VEGFA: variants seen among roughly 807,000 people sequenced by gnomAD.
VEGFA encodes vascular endothelial growth factor A, also known as vascular endothelial growth factor A, long form.
VEGFA carries 20 observed loss-of-function variants against 49.7 expected under a neutral mutation model. The observed-to-expected ratio is 0.40, with a 90% CI of 0.28 to 0.58. VEGFA has a LOEUF of 0.58. Among genes scored for constraint, VEGFA ranks in the 20% least tolerant of loss-of-function variants. The probability of loss-of-function intolerance (pLI) is 0.40; values close to 1 mark genes in which losing one functional copy is unlikely to be tolerated. For missense variants in VEGFA, 505 were observed against 553.5 expected, an observed-to-expected ratio of 0.91 and a Z score of 0.88; for synonymous variants, 219 against 223.4, an observed-to-expected ratio of 0.98 and a Z score of 0.18.
At position 43,785,694 on chromosome 6, in the gene VEGFA, T is replaced by C. The variant is rs1769341428; in HGVS notation, c.*1132T>C. On this transcript the variant is annotated 3_prime_UTR_variant, in exon 8 of 8. Transcript: ENST00000672860. Reference sequence around the variant, plus strand: ...GAGTGGTTGACCTTCCTCCATCCCCTGGTCCTTCCCTTCCCTTCCCGAGGC... The same window carrying C: ...GAGTGGTTGACCTTCCTCCATCCCCCGGTCCTTCCCTTCCCTTCCCGAGGC... The C allele has an allele frequency of 5.1e-6, 1 of 196,256 alleles. No homozygotes were observed. Among genetic ancestry groups the C allele is most frequent in the Admixed American group, 6.1e-5 (1 of 16,390 alleles). The allele number at this position is 196,256 out of a possible 1,614,324, so 12.2% of individuals were successfully genotyped here.
At chr6:43,771,397 G>GCACGGA in intron 1 of VEGFA, 85 bp downstream of exon 1, 1 of 1,405,154 alleles carries the variant, frequency 7.1e-7, no homozygotes, top group Non-Finnish European at 9.5e-7. Context: ...CGCGCGTGGG[G>GCACGGA]GCTCCGTGCC....
intron 6 of VEGFA, 118 bp downstream of exon 6, chr6:43,780,921 C>A (rs2128046271): frequency 1.2e-6 from 2 of 1,610,066 alleles, no homozygotes; most frequent in Non-Finnish European, 1.7e-6. Context: ...TGGCTCTCAT[C>A]CTCCTGGCCC....
At position 43,770,301 on chromosome 6, in the gene VEGFA, C is replaced by T. The variant is rs552245204; in HGVS notation, c.-406C>T. 41 of 264,438 alleles carry T rather than the reference C, an allele frequency of 1.6e-4. No individual in the cohort carries two copies. Among genetic ancestry groups the T allele is most frequent in the African/African-American group, 7.3e-4 (34 of 46,272 alleles). 16.4% of individuals were successfully genotyped at this position (264,438 alleles called of 1,614,324 possible). ...TCGGGAGGCGCAGCGGTTAGGTGGA[C>T]CGGTCAGCGGACTCACCGGCCAGGG... On this transcript the variant is annotated 5_prime_UTR_variant, in exon 1 of 8. Coordinates refer to ENST00000672860, the MANE Select transcript of VEGFA (RefSeq NM_003376.6).
chr6:43,781,032 T>A, intron 6 of VEGFA: 1 of 1,077,242 alleles, frequency 9.3e-7, no homozygotes, highest in Non-Finnish European at 1.3e-6. Context: ...GGTGCCGACT[T>A]GGCCTGGAGG....
At chr6:43,779,803 C>T (rs1434827701) in intron 5 of VEGFA, 8 of 445,530 alleles carry the variant, frequency 1.8e-5, no homozygotes, top group South Asian at 1.1e-4. Flanking sequence ...CTCCTTTCTT[C>T]CCTGTGACAG....
At chr6:43,779,103 T>C in intron 5 of VEGFA, 185 bp downstream of exon 5, 2 of 719,964 alleles carry the variant, frequency 2.8e-6, no homozygotes, top group South Asian at 3.4e-5. Context: ...CTAGGGCTAG[T>C]GAGAAAACAT....
At position 43,779,373 on chromosome 6, in the gene VEGFA, T is replaced by G. The variant is rs113813335; in HGVS notation, c.962+455T>G. ...GGCCGGCTGGAGGGTGGTTTCTCAG[T>G]GCATGCCCTCCTGTAGGCGGCAGGC... On this transcript the variant is annotated intron_variant, in intron 5 of 7. Transcript: ENST00000672860. 3.6e-3 allele frequency: 1,273 copies of G among 355,280 alleles called. 13 individuals are homozygous for G. Among genetic ancestry groups the G allele is most frequent in the African/African-American group, 0.024 (1,155 of 47,592 alleles). The allele number at this position is 355,280 out of a possible 1,614,324, so 22.0% of individuals were successfully genotyped here.
At position 43,782,030 on chromosome 6, in the gene VEGFA, A is replaced by G. The variant is rs769584601; in HGVS notation, c.1109A>G (p.Lys370Arg). The change falls in exon 7 of 8, where the codon AAA becomes AGA. Residue 370 changes from lysine to arginine, a missense_variant. By Grantham distance (26) the Lys-to-Arg change is conservative. Coordinates refer to ENST00000672860, the MANE Select transcript of VEGFA (RefSeq NM_003376.6). ...CCGCAGACGTGTAAATGTTCCTGCA[A>G]AAACACAGACTCGCGTTGCAAGGCG... 15 of 1,614,056 alleles carry G rather than the reference A, an allele frequency of 9.3e-6. No individual in the cohort carries two copies. The highest frequency in any genetic ancestry group is 2.2e-5 in the East Asian group (1 of 44,890).
In VEGFA at chr6:43,774,384, A is replaced by T; in HGVS notation, c.650A>T (p.His217Leu). 6.2e-7 allele frequency: 1 copy of T among 1,614,212 alleles called. No individual in the cohort carries two copies. The highest frequency in any genetic ancestry group is 8.5e-7 in the Non-Finnish European group (1 of 1,180,024). Residue 217 changes from histidine (H) to leucine (L), a missense_variant, in exon 2 of 8, where the codon CAT (histidine) becomes CTT (leucine). His to Leu is a moderately conservative substitution (Grantham distance 99). Around this residue, in one of 2 missense-constraint regions of VEGFA, gnomAD observed 340 missense variants for 321.8 expected, o/e 1.06. Transcript: ENST00000672860. ...ATGGCAGAAGGAGGAGGGCAGAATC[A>T]TCACGAAGGTGAGTCCCCCTGGCTG...
At chr6:43,780,522 G>A in intron 5 of VEGFA, 1 of 651,686 alleles carries the variant, frequency 1.5e-6, no homozygotes, top group South Asian at 1.8e-5. Context: ...GTGAGGAGAA[G>A]AAAGAGCCAT....
rs1769159262 is a variant in VEGFA at position 43,784,708 on chromosome 6, T to C, written c.*146T>C. The C allele has an allele frequency of 1.4e-6, 2 of 1,470,526 alleles. No homozygotes were observed. The highest frequency in any genetic ancestry group is 3.5e-5 in the Admixed American group (2 of 57,712). 91.1% of individuals were successfully genotyped at this position (1,470,526 alleles called of 1,614,324 possible). A position where few individuals can be genotyped will look rare whatever the true frequency, so the allele number is the denominator to read the frequency against. On this transcript the variant is annotated 3_prime_UTR_variant, in exon 8 of 8. Coordinates refer to ENST00000672860, the MANE Select transcript of VEGFA (RefSeq NM_003376.6). ...CAGAACAGTCCTTAATCCAGAAACCTGAAATGAAGGAAGAGGAGACTCTGC... is the reference window on the plus strand; with the variant it reads ...CAGAACAGTCCTTAATCCAGAAACCCGAAATGAAGGAAGAGGAGACTCTGC...
At chr6:43,780,001 G>A in intron 5 of VEGFA, 1 of 258,918 alleles carries the variant, frequency 3.9e-6, no homozygotes, top group Non-Finnish European at 7.9e-6. Context: ...TGACAGGCTG[G>A]GGAGAGAACT....
intron 7 of VEGFA, chr6:43,784,208 G>A: frequency 2.2e-6 from 1 of 458,052 alleles, no homozygotes; most frequent in Non-Finnish European, 4.0e-6. Context: ...AAAATGTCAA[G>A]TGGGGACTGT....
intron 2 of VEGFA, chr6:43,775,194 C>G (rs899798721): frequency 2.0e-5 from 3 of 152,534 alleles, no homozygotes; most frequent in African/African-American, 7.2e-5. Context: ...CCTCCTCCTT[C>G]CCCACCCCAG....
At position 43,777,252 on chromosome 6, in the gene VEGFA, G is replaced by T. The variant is rs1006036816; in HGVS notation, c.659-217G>T. The stretch of plus-strand genomic sequence containing the variant: ...ATGTCCCTTGGAACTTGAGTACATC[G>T]TGTGATCTCTGGAATGAAAACAGGC... On this transcript the variant is annotated intron_variant, in intron 2 of 7. Transcript: ENST00000672860. This position sits in a 1 kb window ranked among gnomAD's most constrained non-coding sequence, Gnocchi z 4.3. The T allele has an allele frequency of 1.6e-6, 1 of 631,762 alleles. No homozygotes were observed. The highest frequency in any genetic ancestry group is 2.2e-5 in the Admixed American group (1 of 46,088). The allele number at this position is 631,762 out of a possible 1,614,324, so 39.1% of individuals were successfully genotyped here.
Position 43,771,183 on chromosome 6 carries a change from G to T in VEGFA, c.477G>T (p.Pro159=). 1 of 1,589,028 alleles carries T rather than the reference G, an allele frequency of 6.3e-7. No individual in the cohort carries two copies. Among genetic ancestry groups the T allele is most frequent in the Non-Finnish European group, 8.5e-7 (1 of 1,171,038 alleles). The change falls in exon 1 of 8, where the codon CCG becomes CCT. Residue 159 remains proline (P), a synonymous_variant. Coordinates refer to ENST00000672860, the MANE Select transcript of VEGFA (RefSeq NM_003376.6). ...GCCGAGGCGCCGAGGAGAGCGGGCC[G>T]CCCCACAGCCCGAGCCGGAGAGGGA...
intron 1 of VEGFA, among the ~76,000 whole-genome samples, chr6:43,772,403 G>T (rs1763915873): frequency 6.6e-6 from 1 of 152,216 alleles, no homozygotes; most frequent in Non-Finnish European, 1.5e-5. Flanking sequence ...TGGTGACAGT[G>T]TGCTTCCCTT....
intron 7 of VEGFA, chr6:43,782,344 TG>T: frequency 2.0e-6 from 1 of 500,406 alleles, no homozygotes; most frequent in East Asian, 4.0e-5. Flanking sequence ...TAGGCTGGTG[TG>T]GCTTAGTGTA....
chr6:43,782,178 G>T (rs757266571), intron 7 of VEGFA, 91 bp downstream of exon 7: 11 of 1,560,878 alleles, frequency 7.0e-6, no homozygotes, highest in Non-Finnish European at 8.7e-6. Context: ...GCGAGCGAGC[G>T]GGAGAGCGCC....
Sources: allele counts gnomAD v4.1 joint callset (sites outside exome capture counted in the v4.1 genomes callset), GRCh38; gene constraint gnomAD v4.1.1; regional missense constraint gnomAD v4.1.1; non-coding constraint Gnocchi (gnomAD v3.1); transcripts MANE v1.5; gene names NCBI Gene and HGNC (gene_info 2026-07-23, HGNC 2026-07-21).